CTDSPL: variants seen among roughly 807,000 people sequenced by gnomAD.
CTDSPL encodes CTD small phosphatase like.
Under a neutral mutation model 30.5 loss-of-function variants are expected in CTDSPL, and 8 were observed. The observed-to-expected ratio is 0.26, with a 90% CI of 0.15 to 0.47. The LOEUF (loss-of-function observed/expected upper bound fraction) is 0.47. CTDSPL is among the 20% of genes least tolerant of loss of function. The pLI is 0.99. For missense variants in CTDSPL, 248 were observed against 366.1 expected, an observed-to-expected ratio of 0.68 and a Z score of 2.63; for synonymous variants, 110 against 137.9, an observed-to-expected ratio of 0.80 and a Z score of 1.42.
Position 37,874,790 on chromosome 3 carries a change from T to G in CTDSPL, c.79+12512T>G, listed in dbSNP as rs558264777. Among the ~76,000 whole-genome samples, 201 of 152,176 alleles carry G rather than the reference T, an allele frequency of 1.3e-3. 7 individuals are homozygous for G. In the South Asian group the frequency reaches 0.04, roughly 30 times the overall value. On this transcript the variant is annotated intron_variant, in intron 1 of 7. Transcript: ENST00000273179. ...GACAGACACACGCACACACACAAGTTTCTTCATTTGCTTTGATGGTAACCT... is the reference window on the plus strand; with the variant it reads ...GACAGACACACGCACACACACAAGTGTCTTCATTTGCTTTGATGGTAACCT...
chr3:37,918,962 G>C (rs896276863), intron 1 of CTDSPL, among the ~76,000 whole-genome samples: 2 of 151,920 alleles, frequency 1.3e-5, no homozygotes, highest in African/African-American at 4.8e-5. Flanking sequence ...TGTGGCAATG[G>C]GATTATTTAT....
At chr3:37,886,565 ACC>A (rs1698265612) in intron 1 of CTDSPL, among the ~76,000 whole-genome samples, 1 of 152,140 alleles carries the variant, frequency 6.6e-6, no homozygotes, top group Non-Finnish European at 1.5e-5. Flanking sequence ...GCTGAGTTGA[ACC>A]TATTCCCCTG....
intron 5 of CTDSPL, chr3:37,968,319 C>T (rs1223807035): frequency 2.3e-6 from 1 of 436,402 alleles, no homozygotes; most frequent in African/African-American, 2.0e-5. Context: ...ATCATTCCTG[C>T]ATCGTTTTCT....
intron 1 of CTDSPL, among the ~76,000 whole-genome samples, chr3:37,930,115 A>AG (rs1475799723): frequency 1.5e-5 from 2 of 129,204 alleles, no homozygotes; most frequent in Non-Finnish European, 3.4e-5. Flanking sequence ...TCAAAAAAAA[A>AG]GAAAAAAAAA....
intron 1 of CTDSPL, among the ~76,000 whole-genome samples, chr3:37,915,312 G>A (rs949045760): frequency 6.6e-6 from 1 of 151,900 alleles, no homozygotes; most frequent in African/African-American, 2.4e-5. Flanking sequence ...TTATCTATTT[G>A]GGGTTTATCC....
At chr3:37,931,591 C>G (rs1319083686) in intron 1 of CTDSPL, among the ~76,000 whole-genome samples, 1 of 152,126 alleles carries the variant, frequency 6.6e-6, no homozygotes, top group Non-Finnish European at 1.5e-5. Context: ...CTTCTTTCCT[C>G]TCTTTCTGCC....
At position 37,975,691 on chromosome 3, in the gene CTDSPL, G is replaced by A; in HGVS notation, c.520-18G>A. Reference sequence around the variant, plus strand: ...CTCTTTTAAACACCCAGCCTTCATTGTGACACGTCTTTTCCAGTATGCAGA... The same window carrying A: ...CTCTTTTAAACACCCAGCCTTCATTATGACACGTCTTTTCCAGTATGCAGA... On this transcript the variant is annotated intron_variant, in intron 6 of 7. Transcript: ENST00000273179. The surrounding 1 kb of genome is among the most constrained non-coding windows in gnomAD (Gnocchi z 4.9). The A allele has an allele frequency of 1.9e-6, 3 of 1,587,884 alleles. No individual in the cohort carries two copies. The highest frequency in any genetic ancestry group is 2.6e-6 in the Non-Finnish European group (3 of 1,162,138).
At chr3:37,929,595 G>T (rs543596211) in intron 1 of CTDSPL, among the ~76,000 whole-genome samples, 5 of 152,246 alleles carry the variant, frequency 3.3e-5, no homozygotes, top group African/African-American at 1.2e-4. Context: ...TTCATCGTCA[G>T]TGTATAGAAG....
intron 5 of CTDSPL, among the ~76,000 whole-genome samples, chr3:37,970,451 C>T (rs574700217): frequency 6.6e-6 from 1 of 152,330 alleles, no homozygotes; most frequent in South Asian, 2.1e-4. Flanking sequence ...GCTCAGTAAA[C>T]ATGCTGAATT....
intron 1 of CTDSPL, among the ~76,000 whole-genome samples, chr3:37,890,896 C>CCAT (rs1403470907): frequency 6.6e-6 from 1 of 152,156 alleles, no homozygotes; most frequent in Non-Finnish European, 1.5e-5. Flanking sequence ...ATTTAGAAAA[C>CCAT]GGTTTTGCCA....
chr3:37,972,111 C>T (rs1285604793), intron 6 of CTDSPL, among the ~76,000 whole-genome samples: 6 of 152,186 alleles, frequency 3.9e-5, no homozygotes, highest in Admixed American at 1.3e-4. Context: ...AGCAAGTATT[C>T]ATTGAGCACT....
At chr3:37,957,544 G>A (rs1699188269) in intron 3 of CTDSPL, among the ~76,000 whole-genome samples, 1 of 152,174 alleles carries the variant, frequency 6.6e-6, no homozygotes, top group African/African-American at 2.4e-5. Flanking sequence ...TTCAGTCCCA[G>A]TGGAACTGGG....
chr3:37,960,617 T>G (rs1328501891), intron 3 of CTDSPL, among the ~76,000 whole-genome samples: 3 of 92,954 alleles, frequency 3.2e-5, no homozygotes, highest in African/African-American at 1.2e-4. Context: ...TAATCCCAGC[T>G]AACTCGGGAG....
chr3:37,909,457 G>A (rs1575293247), intron 1 of CTDSPL, among the ~76,000 whole-genome samples: 1 of 152,254 alleles, frequency 6.6e-6, no homozygotes, highest in East Asian at 1.9e-4. Flanking sequence ...ACCCCAGACT[G>A]CCTGTGGCCT....
At chr3:37,964,727 T>C (rs1699281484) in intron 4 of CTDSPL, 55 bp downstream of exon 4, 18 of 1,367,664 alleles carry the variant, frequency 1.3e-5, no homozygotes, top group Non-Finnish European at 1.9e-5. Flanking sequence ...AACAATTGTA[T>C]TGGAAAAGGG....
chr3:37,864,741 T>TTATGTAA (rs1278789791), intron 1 of CTDSPL, among the ~76,000 whole-genome samples: 1 of 152,040 alleles, frequency 6.6e-6, no homozygotes, highest in Non-Finnish European at 1.5e-5. Context: ...CATTTTTACA[T>TTATGTAA]AATTTTACAT....
At chr3:37,891,110 G>A (rs1457748967) in intron 1 of CTDSPL, among the ~76,000 whole-genome samples, 5 of 152,170 alleles carry the variant, frequency 3.3e-5, no homozygotes, top group Non-Finnish European at 5.9e-5. Context: ...GCTGGGGTTA[G>A]GATATGGTTC....
intron 1 of CTDSPL, among the ~76,000 whole-genome samples, chr3:37,877,801 G>A (rs1698155533): frequency 6.6e-6 from 1 of 152,104 alleles, no homozygotes; most frequent in African/African-American, 2.4e-5. Context: ...AGGCAAAGAG[G>A]GACGGCAAGA....
intron 1 of CTDSPL, among the ~76,000 whole-genome samples, chr3:37,932,659 G>A (rs984981901): frequency 3.9e-5 from 6 of 152,238 alleles, no homozygotes; most frequent in African/African-American, 1.2e-4. Context: ...AGGCCATTAA[G>A]TCTCTGTCTT....
Sources: gnomAD v4.1 joint callset for allele counts (sites outside exome capture counted in the v4.1 genomes callset) on GRCh38, gnomAD v4.1.1 for gene constraint, Gnocchi (gnomAD v3.1) non-coding constraint, MANE v1.5 for transcripts, NCBI Gene and HGNC (gene_info 2026-07-23, HGNC 2026-07-21) for gene names.